The following SLC25A26 variants were observed in gnomAD, a reference collection of about 807,000 sequenced individuals.
SLC25A26 encodes the protein mitochondrial S-adenosylmethionine carrier protein.
A neutral mutation model predicts 37.8 loss-of-function variants in SLC25A26; 36 were observed. That is an observed-to-expected ratio of 0.95 (90% confidence interval 0.73 to 1.26). The LOEUF (loss-of-function observed/expected upper bound fraction) is 1.26, where lower values mean the gene tolerates loss of function less well. SLC25A26 is among the 50% of genes most tolerant of loss of function. The pLI is 0.00. For missense variants in SLC25A26, 390 were observed against 331.1 expected (o/e 1.18, Z -1.38); for synonymous variants, 129 against 122.5 (o/e 1.05, Z -0.35).
chr3:66,220,804 T>C (rs1553657920), upstream of SLC25A26: 1 of 510,012 alleles, frequency 2.0e-6, no homozygotes, highest in Admixed American at 3.9e-5. Context: ...ACGGATCTTT[T>C]GCTCGCGAAA....
At chr3:66,293,990 G>C (rs2074808001) in intron 5 of SLC25A26, among the ~76,000 whole-genome samples, 1 of 152,036 alleles carries the variant, frequency 6.6e-6, no homozygotes, top group Admixed American at 6.6e-5. Context: ...GGATTACCTT[G>C]GCTACCTGGG....
intron 6 of SLC25A26, among the ~76,000 whole-genome samples, chr3:66,359,465 TA>T (rs2076649015): frequency 6.6e-6 from 1 of 152,264 alleles, no homozygotes; most frequent in Non-Finnish European, 1.5e-5. Flanking sequence ...AACTCAGCAT[TA>T]TTACCAGCAT....
At chr3:66,335,636 G>A (rs1407035982) in intron 5 of SLC25A26, among the ~76,000 whole-genome samples, 1 of 152,024 alleles carries the variant, frequency 6.6e-6, no homozygotes, top group Non-Finnish European at 1.5e-5. Flanking sequence ...TCCATTCACT[G>A]ATGTAAGAAA....
intron 5 of SLC25A26, among the ~76,000 whole-genome samples, chr3:66,313,585 A>T (rs1288957540): frequency 2.6e-5 from 4 of 152,002 alleles, no homozygotes; most frequent in African/African-American, 9.7e-5. Context: ...TTTGCTTAGG[A>T]TTGTCTTGGC....
intron 5 of SLC25A26, among the ~76,000 whole-genome samples, chr3:66,310,207 G>A (rs1481529308): frequency 6.6e-6 from 1 of 152,098 alleles, no homozygotes; most frequent in Non-Finnish European, 1.5e-5. Flanking sequence ...TATATATTTA[G>A]GATAGTTAGC....
At chr3:66,238,756 T>A (rs1029936602) in intron 2 of SLC25A26, among the ~76,000 whole-genome samples, 6 of 151,516 alleles carry the variant, frequency 4.0e-5, no homozygotes, top group Admixed American at 3.3e-4. Flanking sequence ...ATTCAGTAAG[T>A]GGAAGTGGAT....
intron 3 of SLC25A26, among the ~76,000 whole-genome samples, chr3:66,248,697 A>C (rs2072956022): frequency 6.6e-6 from 1 of 152,140 alleles, no homozygotes; most frequent in South Asian, 2.1e-4. Context: ...TGTCCTTTTC[A>C]AGTGTCCTTT....
chr3:66,337,173 A>G (rs1470548081), intron 5 of SLC25A26, among the ~76,000 whole-genome samples: 1 of 152,090 alleles, frequency 6.6e-6, no homozygotes, highest in Non-Finnish European at 1.5e-5. Flanking sequence ...GTGATTTTTC[A>G]TTTTGATTGA....
chr3:66,336,647 C>T lies in SLC25A26; in HGVS notation c.454-9717C>T, dbSNP rs145311546. On this transcript the variant is annotated intron_variant, in intron 5 of 9. Transcript: ENST00000354883. ...ACTGAAGTCAGTACTGCTTAACATACTGGAAATGACTGTGAATAACCAAAA... is the reference window on the plus strand; with the variant it reads ...ACTGAAGTCAGTACTGCTTAACATATTGGAAATGACTGTGAATAACCAAAA... 2.2e-3 allele frequency among the ~76,000 whole-genome samples: 342 copies of T among 152,266 alleles called. 2 individuals are homozygous for T. The highest frequency in any genetic ancestry group is 0.013 in the South Asian group (61 of 4,830).
chr3:66,187,351 A>G (rs1236121252), intron 1 of SLC25A26, among the ~76,000 whole-genome samples: 4 of 151,920 alleles, frequency 2.6e-5, no homozygotes, highest in African/African-American at 9.7e-5. Context: ...CTCATCCAGA[A>G]TTGGACCTTT....
chr3:66,325,161 T>G (rs1297813179), intron 5 of SLC25A26, among the ~76,000 whole-genome samples: 1 of 152,194 alleles, frequency 6.6e-6, no homozygotes, highest in Non-Finnish European at 1.5e-5. Context: ...CTCAGAAGCC[T>G]TCATGCAGCT....
intron 5 of SLC25A26, chr3:66,304,667 T>G (rs1014145274): frequency 1.1e-5 from 3 of 269,228 alleles, no homozygotes; most frequent in Admixed American, 9.5e-5. Flanking sequence ...ATACATTCTT[T>G]AAAATGCTTT....
chr3:66,201,038 G>T (rs1289064297), intron 1 of SLC25A26, among the ~76,000 whole-genome samples: 1 of 152,146 alleles, frequency 6.6e-6, no homozygotes, highest in Non-Finnish European at 1.5e-5. Context: ...TTCACAAGAA[G>T]AGGCAATGGT....
At chr3:66,321,280 G>A (rs541085296) in intron 5 of SLC25A26, among the ~76,000 whole-genome samples, 1 of 152,288 alleles carries the variant, frequency 6.6e-6, no homozygotes, top group African/African-American at 2.4e-5. Flanking sequence ...GCATGCTAAC[G>A]TTTAAACCGT....
At chr3:66,249,906 C>T (rs1406885097) in intron 3 of SLC25A26, among the ~76,000 whole-genome samples, 1 of 152,210 alleles carries the variant, frequency 6.6e-6, no homozygotes, top group Admixed American at 6.5e-5. Flanking sequence ...CCTGAGTGCA[C>T]TCAAACAAAC....
chr3:66,188,466 C>T (rs2070872520), intron 1 of SLC25A26, among the ~76,000 whole-genome samples: 1 of 152,048 alleles, frequency 6.6e-6, no homozygotes, highest in Admixed American at 6.6e-5. Context: ...AGTTCTTGCT[C>T]TATTAGTTCC....
chr3:66,319,171 T>C (rs2075622765), intron 5 of SLC25A26, among the ~76,000 whole-genome samples: 1 of 152,224 alleles, frequency 6.6e-6, no homozygotes, highest in Non-Finnish European at 1.5e-5. Flanking sequence ...GAACCAAAGT[T>C]ACTGAAGTAG....
chr3:66,300,707 A>G (rs1221017527), intron 5 of SLC25A26, among the ~76,000 whole-genome samples: 1 of 152,198 alleles, frequency 6.6e-6, no homozygotes, highest in Non-Finnish European at 1.5e-5. Context: ...TTTGAGCAGT[A>G]TAATTTTCTA....
intron 1 of SLC25A26, among the ~76,000 whole-genome samples, chr3:66,156,197 G>A (rs565741484): frequency 6.6e-6 from 1 of 152,322 alleles, no homozygotes; most frequent in African/African-American, 2.4e-5. Context: ...GCACAGTGCT[G>A]AGCACTGGGG....
Sources: gnomAD v4.1 joint callset for allele counts (sites outside exome capture counted in the v4.1 genomes callset) on GRCh38, gnomAD v4.1.1 for gene constraint, MANE v1.5 for transcripts, NCBI Gene and HGNC (gene_info 2026-07-23, HGNC 2026-07-21) for gene names.